UNC5B: variants seen among roughly 807,000 people sequenced by gnomAD.
UNC5B encodes netrin receptor UNC5B.
Under a neutral mutation model 103.7 loss-of-function variants are expected in UNC5B, and 56 were observed. That is an observed-to-expected ratio of 0.54 (90% CI 0.44 to 0.67). The LOEUF (loss-of-function observed/expected upper bound fraction) is 0.67. Ranked by LOEUF, UNC5B falls within the 30% of genes least tolerant of loss-of-function variation. The pLI is 0.00. For missense variants in UNC5B, 1,194 were observed against 1,284.5 expected (o/e 0.93, Z 1.08); for synonymous variants, 577 against 542.0 (o/e 1.06, Z -0.90).
intron 8 of UNC5B, 142 bp downstream of exon 8, chr10:71,289,132 T>G: frequency 1.9e-6 from 2 of 1,045,110 alleles, no homozygotes; most frequent in Non-Finnish European, 2.8e-6. Flanking sequence ...CACCTGACAC[T>G]GCATGTGTCT....
intron 6 of UNC5B, among the ~76,000 whole-genome samples, chr10:71,288,290 T>C (rs1845146198): frequency 6.6e-6 from 1 of 152,234 alleles, no homozygotes; most frequent in African/African-American, 2.4e-5. Flanking sequence ...TGTCTGTGTG[T>C]GTAAATCGTG....
intron 1 of UNC5B, among the ~76,000 whole-genome samples, chr10:71,270,272 C>T (rs932069429): frequency 1.3e-5 from 2 of 150,316 alleles, no homozygotes; most frequent in Non-Finnish European, 1.5e-5. Context: ...ACCCAGGAGG[C>T]GGAGGTTGCA....
intron 2 of UNC5B, among the ~76,000 whole-genome samples, chr10:71,284,214 G>C (rs1845004109): frequency 6.6e-6 from 1 of 152,124 alleles, no homozygotes; most frequent in Non-Finnish European, 1.5e-5. Flanking sequence ...CCGAAATCTG[G>C]CAGGGACTGG....
intron 1 of UNC5B, among the ~76,000 whole-genome samples, chr10:71,240,954 C>T (rs973939901): frequency 6.6e-6 from 1 of 152,218 alleles, no homozygotes; most frequent in Admixed American, 6.5e-5. Flanking sequence ...AATTAGCAGC[C>T]TGCGAATCCA....
At position 71,296,464 on chromosome 10, in the gene UNC5B, G is replaced by A. The variant is rs79370032; in HGVS notation, c.2326-114G>A. ...AGGGCACTTGACCCCTCCCTATCTG[G>A]GTGGAGAGGCCTGAACTGCCCCCCA... On this transcript the variant is annotated intron_variant, in intron 14 of 16. Transcript: ENST00000335350. The A allele has an allele frequency of 3.5e-3, 4,317 of 1,235,304 alleles. 88 individuals are homozygous for A. The African/African-American group carries it at 0.054, about 16-fold the overall frequency. 76.5% of individuals were successfully genotyped at this position (1,235,304 alleles called of 1,614,324 possible).
intron 1 of UNC5B, among the ~76,000 whole-genome samples, chr10:71,272,032 C>T (rs1844658325): frequency 6.6e-6 from 1 of 152,102 alleles, no homozygotes; most frequent in African/African-American, 2.4e-5. Context: ...GGAGGAAGAG[C>T]TTTGTGTCCA....
At chr10:71,288,497 T>C in intron 6 of UNC5B, 71 bp from the exon 7 acceptor site, 1 of 1,538,324 alleles carries the variant, frequency 6.5e-7, no homozygotes, top group South Asian at 1.3e-5. Context: ...CACATTGCTC[T>C]GTTCTGCACA....
intron 1 of UNC5B, among the ~76,000 whole-genome samples, chr10:71,251,226 TC>T (rs1390327009): frequency 6.6e-6 from 1 of 152,208 alleles, no homozygotes. Flanking sequence ...CAAAGGAGTT[TC>T]CCTGTCAGAG....
Position 71,293,725 on chromosome 10 carries a change from C to A in UNC5B, c.1967C>A (p.Thr656Asn), listed in dbSNP as rs1236048093. The A allele has an allele frequency of 1.3e-6, 2 of 1,590,400 alleles. No homozygotes were observed. Among genetic ancestry groups the A allele is most frequent in the African/African-American group, 2.7e-5 (2 of 74,212 alleles). The change falls in exon 13 of 17, where the codon ACC (threonine) becomes AAC (asparagine). Residue 656 changes from threonine (T) to asparagine (N), a missense_variant. Coordinates refer to ENST00000335350, the MANE Select transcript of UNC5B (RefSeq NM_170744.5). Reference protein sequence around the residue: ...WEEVVTLDEETLNTPCYCQLE... With the variant: ...WEEVVTLDEENLNTPCYCQLE... ...GAGGTGGTGACCCTGGATGAGGAGA[C>A]CCTGAACACACCCTGCTACTGCCAG...
intron 1 of UNC5B, among the ~76,000 whole-genome samples, chr10:71,278,279 G>A (rs1844821003): frequency 6.6e-6 from 1 of 152,186 alleles, no homozygotes; most frequent in Non-Finnish European, 1.5e-5. Flanking sequence ...GCCAGGCACC[G>A]CCTAGGTGTT....
chr10:71,269,058 C>T (rs913021546), intron 1 of UNC5B, among the ~76,000 whole-genome samples: 5 of 152,148 alleles, frequency 3.3e-5, no homozygotes, highest in Admixed American at 1.3e-4. Flanking sequence ...AGATGCCCAG[C>T]GTGTTCTGCT....
intron 1 of UNC5B, among the ~76,000 whole-genome samples, chr10:71,269,357 C>T (rs1735135303): frequency 7.5e-6 from 1 of 133,828 alleles, no homozygotes; most frequent in Non-Finnish European, 1.6e-5. Context: ...CCCCCCACAA[C>T]TTCTCCTTTC....
chr10:71,238,726 G>C (rs1193053258), intron 1 of UNC5B, among the ~76,000 whole-genome samples: 2 of 152,136 alleles, frequency 1.3e-5, no homozygotes, highest in African/African-American at 2.4e-5. Flanking sequence ...AAAGTGCTGG[G>C]ATTACACACC....
chr10:71,262,621 G>C (rs1011700296), intron 1 of UNC5B, among the ~76,000 whole-genome samples: 15 of 152,208 alleles, frequency 9.9e-5, no homozygotes, highest in African/African-American at 3.4e-4. Flanking sequence ...GTGCCATCCA[G>C]CCAGAAATGA....
At position 71,296,722 on chromosome 10, in the gene UNC5B, C is replaced by T; in HGVS notation, c.2470C>T (p.Leu824=). Residue 824 remains leucine, a synonymous_variant, in exon 15 of 17, where the codon CTG becomes TTG. Transcript: ENST00000335350. ...GGAAGGGGAGGGCCAGATATTCCAGCTGCATACCACTCTGGCAGAGGTGAG... is the reference window on the plus strand; with the variant it reads ...GGAAGGGGAGGGCCAGATATTCCAGTTGCATACCACTCTGGCAGAGGTGAG... ...QVEGEGQIFQ[L]HTTLAETPAG... is the part of the protein sequence containing the mutation. 1.9e-6 allele frequency: 3 copies of T among 1,610,308 alleles called. No individual in the cohort carries two copies. Among genetic ancestry groups the T allele is most frequent in the Non-Finnish European group, 2.5e-6 (3 of 1,178,372 alleles).
At chr10:71,225,936 G>A (rs1843553953) in intron 1 of UNC5B, among the ~76,000 whole-genome samples, 1 of 152,132 alleles carries the variant, frequency 6.6e-6, no homozygotes, top group Non-Finnish European at 1.5e-5. Context: ...CTCCTCTGCT[G>A]AGCCTGTGGT....
intron 1 of UNC5B, among the ~76,000 whole-genome samples, chr10:71,239,899 C>T (rs1474531072): frequency 3.3e-5 from 5 of 152,212 alleles, no homozygotes; most frequent in Non-Finnish European, 7.4e-5. Flanking sequence ...AACCCCTGGG[C>T]CTGCCCTCGG....
chr10:71,229,735 T>G (rs1460083012), intron 1 of UNC5B, among the ~76,000 whole-genome samples: 1 of 152,188 alleles, frequency 6.6e-6, no homozygotes, highest in African/African-American at 2.4e-5. Context: ...GTTGTGCTTC[T>G]GGGGCAGGGC....
intron 4 of UNC5B, among the ~76,000 whole-genome samples, chr10:71,286,398 C>T (rs761635277): frequency 5.9e-5 from 9 of 152,238 alleles, no homozygotes; most frequent in Non-Finnish European, 7.3e-5. Context: ...GCACCTTACA[C>T]ATGCTAACTC....
Sources: allele counts gnomAD v4.1 joint callset (sites outside exome capture counted in the v4.1 genomes callset), GRCh38; gene constraint gnomAD v4.1.1; transcripts MANE v1.5; gene names NCBI Gene and HGNC (gene_info 2026-07-23, HGNC 2026-07-21).